Variants in NBPF19 observed in about 807,000 individuals in gnomAD.
The protein encoded by NBPF19 is NBPF member 19.
In NBPF19, 30 loss-of-function variants were observed where a neutral mutation model predicts 45.9. The observed-to-expected ratio is 0.65, with a 90% CI of 0.49 to 0.89. The LOEUF is 0.89. Ranked by LOEUF, NBPF19 falls within the 40% of genes least tolerant of loss-of-function variation. The probability of loss-of-function intolerance (pLI) is 0.00; values close to 1 mark genes in which losing one functional copy is unlikely to be tolerated. For missense variants in NBPF19, 495 were observed against 471.8 expected, an observed-to-expected ratio of 1.05 and a Z score of -0.46; for synonymous variants, 183 against 181.2, an observed-to-expected ratio of 1.01 and a Z score of -0.08.
intron 9 of NBPF19, among the ~76,000 whole-genome samples, chr1:149,487,675 T>C (rs1342472734): frequency 1.3e-5 from 2 of 150,130 alleles, no homozygotes; most frequent in African/African-American, 4.9e-5. Context: ...AGGACATGCT[T>C]TTCATGATCA....
rs1332625331 is a variant in NBPF19 at position 149,554,846 on chromosome 1, G to T, written c.*108G>T. ...ATTTGGAAGCCCAGACATAGGATGG[G>T]TCAGTGGGCATGGCTCTTTTCCTAT... On this transcript the variant is annotated 3_prime_UTR_variant, in exon 94 of 94. Transcript: ENST00000651566. 1 of 1,563,840 alleles carries T rather than the reference G, an allele frequency of 6.4e-7. No homozygotes were observed. Among genetic ancestry groups the T allele is most frequent in the Non-Finnish European group, 8.7e-7 (1 of 1,147,964 alleles).
At chr1:149,486,393 A>G (rs1319782530) in intron 8 of NBPF19, 100 bp downstream of exon 8, 24 of 662,782 alleles carry the variant, frequency 3.6e-5, no homozygotes, top group Non-Finnish European at 4.7e-5. Context: ...GAGATTTGCC[A>G]TCACCGTGGG....
rs1282629892 is a variant in NBPF19 at position 149,554,745 on chromosome 1, C to G, written c.*7C>G. On this transcript the variant is annotated 3_prime_UTR_variant, in exon 94 of 94. Transcript: ENST00000651566. ...AGTCATATTCCCACAATAGGCAGCCCTTACTAAGCCGAGAGATGTCATTCC... is the reference window on the plus strand; with the variant it reads ...AGTCATATTCCCACAATAGGCAGCCGTTACTAAGCCGAGAGATGTCATTCC... 3.4e-5 allele frequency: 55 copies of G among 1,607,830 alleles called. 4 individuals are homozygous for G. In the African/African-American group the frequency reaches 6.4e-4, roughly 19 times the overall value.
At chr1:149,514,711 G>T in intron 43 of NBPF19, among the ~76,000 whole-genome samples, 2 of 77,212 alleles carry the variant, frequency 2.6e-5, no homozygotes, top group African/African-American at 8.9e-5. Context: ...GTGTGTGTGT[G>T]TGTGTGTGTG....
chr1:149,491,316 G>C lies in NBPF19; in HGVS notation c.1663+5G>C. On this transcript the variant is annotated splice_donor_5th_base_variant and intron_variant, in intron 14 of 93. Transcript: ENST00000651566. ...GCTTTTCTCTTGACGTGGGAGGTGA[G>C]TACCTTTCTATGAAGGTGATAAGCA... 5.1e-6 allele frequency: 1 copy of C among 194,980 alleles called. No individual in the cohort carries two copies. The highest frequency in any genetic ancestry group is 9.0e-6 in the Non-Finnish European group (1 of 111,310). 12.1% of individuals were successfully genotyped at this position (194,980 alleles called of 1,614,324 possible). A position where few individuals can be genotyped will look rare whatever the true frequency, so the allele number is the denominator to read the frequency against.
rs1390161495 is a variant in NBPF19 at position 149,486,412 on chromosome 1, A to G, written c.988+119A>G. Reference sequence around the variant, plus strand: ...TTTGCCATCACCGTGGGCTGAACCTATATATCAATGTAGATTTCAGTCACT... The same window carrying G: ...TTTGCCATCACCGTGGGCTGAACCTGTATATCAATGTAGATTTCAGTCACT... On this transcript the variant is annotated intron_variant, in intron 8 of 93. Transcript: ENST00000651566. 1.8e-3 allele frequency: 1,220 copies of G among 676,726 alleles called. 42 individuals are homozygous for G. Among genetic ancestry groups the G allele is most frequent in the Non-Finnish European group, 2.3e-3 (847 of 372,762 alleles). The allele number at this position is 676,726 out of a possible 1,614,324, so 41.9% of individuals were successfully genotyped here. A position where few individuals can be genotyped will look rare whatever the true frequency, so the allele number is the denominator to read the frequency against.
In NBPF19 at chr1:149,554,806, T is replaced by G; in HGVS notation, c.*68T>G. 6.2e-7 allele frequency: 1 copy of G among 1,603,402 alleles called. No individual in the cohort carries two copies. Among genetic ancestry groups the G allele is most frequent in the South Asian group, 1.1e-5 (1 of 90,624 alleles). On this transcript the variant is annotated 3_prime_UTR_variant, in exon 94 of 94. Transcript: ENST00000651566. Reference sequence around the variant, plus strand: ...ACCTATAGGCACGTGAAGATTTGAATGAAACTACAGTTCCATTTGGAAGCC... The same window carrying G: ...ACCTATAGGCACGTGAAGATTTGAAGGAAACTACAGTTCCATTTGGAAGCC...
chr1:149,528,981 C>G (rs1281722274), intron 61 of NBPF19, among the ~76,000 whole-genome samples, 193 bp from the exon 62 acceptor site: 1 of 130,104 alleles, frequency 7.7e-6, no homozygotes, highest in East Asian at 2.3e-4. Context: ...GTGTGTCTAT[C>G]TGTCTTTCTC....
At position 149,488,411 on chromosome 1, in the gene NBPF19, C is replaced by G. The variant is rs1309901703; in HGVS notation, c.1213+226C>G. Reference sequence around the variant, plus strand: ...AGTCTCAGGCCATACCTGTGGCGCCCTAATCCTACTCTCATGACGTTGGAC... The same window carrying G: ...AGTCTCAGGCCATACCTGTGGCGCCGTAATCCTACTCTCATGACGTTGGAC... On this transcript the variant is annotated intron_variant, in intron 10 of 93. Transcript: ENST00000651566. Among the ~76,000 whole-genome samples the G allele has an allele frequency of 1.4e-5, 2 of 141,790 alleles. 1 individual carries two copies. Among genetic ancestry groups the G allele is most frequent in the Admixed American group, 1.5e-4 (2 of 13,758 alleles). 93.0% of individuals were successfully genotyped at this position (141,790 alleles called of 152,430 possible). A position where few individuals can be genotyped will look rare whatever the true frequency, so the allele number is the denominator to read the frequency against.
chr1:149,487,787 GTGTGTGT>G (rs2101614030), intron 9 of NBPF19, among the ~76,000 whole-genome samples: 1 of 145,588 alleles, frequency 6.9e-6, no homozygotes, highest in Admixed American at 6.9e-5. Context: ...GTGTGTGTGT[GTGTGTGT>G]GTGTGTGTGT....
At position 149,554,563 on chromosome 1, in the gene NBPF19, C is replaced by T. The variant is rs2087197437; in HGVS notation, c.11357C>T (p.Ser3786Leu). The T allele has an allele frequency of 9.9e-6, 16 of 1,608,078 alleles. No individual in the cohort carries two copies. The highest frequency in any genetic ancestry group is 2.2e-5 in the East Asian group (1 of 44,862). The change falls in exon 94 of 94, where the codon TCG becomes TTG. Residue 3786 changes from serine to leucine, a missense_variant. Physicochemically the swap from Ser to Leu is moderately radical, Grantham distance 145. This residue lies in a region of NBPF19 where 248 missense variants were observed against 95.4 expected (regional missense o/e 2.60). Transcript: ENST00000651566. ...CAGGACTCACTGGATGGATGTTATT[C>T]GACTCCGTCAATGTACTTTGAACTA... The part of the protein sequence containing the change: ...VLQDSLDGCY[S>L]TPSMYFELPD...
intron 3 of NBPF19, among the ~76,000 whole-genome samples, chr1:149,478,475 T>G (rs1168612248): frequency 6.6e-6 from 1 of 151,272 alleles, no homozygotes; most frequent in African/African-American, 2.4e-5. Context: ...TTTCATCTTT[T>G]CAATTCGCCC....
chr1:149,486,486 C>T (rs1218483916), intron 8 of NBPF19, among the ~76,000 whole-genome samples, 193 bp downstream of exon 8: 1 of 150,966 alleles, frequency 6.6e-6, no homozygotes, highest in African/African-American at 2.4e-5. Flanking sequence ...GTGAGCTTTA[C>T]TCTCTTCCTA....
chr1:149,487,217 T>A, intron 8 of NBPF19, 115 bp from the exon 9 acceptor site: 2 of 824,400 alleles, frequency 2.4e-6, no homozygotes, highest in Non-Finnish European at 4.2e-6. Flanking sequence ...TCTCTCAAAG[T>A]CTCCTGTTCT....
chr1:149,483,472 G>T (rs2085324774), intron 7 of NBPF19, among the ~76,000 whole-genome samples: 1 of 106,558 alleles, frequency 9.4e-6, no homozygotes, highest in Non-Finnish European at 1.9e-5. Context: ...GATGGGTCTT[G>T]ACTCTTTATC....
chr1:149,487,650 T>C (rs1476011080), intron 9 of NBPF19, among the ~76,000 whole-genome samples: 1 of 150,408 alleles, frequency 6.6e-6, no homozygotes, highest in African/African-American at 2.4e-5. Flanking sequence ...GAGCACATTT[T>C]ATGCAAAATT....
At chr1:149,516,269 T>G (rs1444658072) in intron 45 of NBPF19, among the ~76,000 whole-genome samples, 24 of 76,550 alleles carry the variant, frequency 3.1e-4, no homozygotes, top group African/African-American at 9.6e-4. Context: ...AGTGTCCTTT[T>G]ACTCCCTTAC....
intron 2 of NBPF19, 128 bp from the exon 3 acceptor site, chr1:149,477,817 T>A (rs2084933446): frequency 1.2e-6 from 1 of 855,992 alleles, no homozygotes; most frequent in Non-Finnish European, 1.9e-6. Context: ...GATGTGGAAA[T>A]CCCTGTCTAG....
intron 93 of NBPF19, 68 bp from the exon 94 acceptor site, chr1:149,554,427 A>T: frequency 4.4e-6 from 7 of 1,607,384 alleles, no homozygotes; most frequent in Non-Finnish European, 6.0e-6. Context: ...GTGACTTCTG[A>T]AATCTAGTGG....
Sources: allele counts gnomAD v4.1 joint callset (sites outside exome capture counted in the v4.1 genomes callset), GRCh38; gene constraint gnomAD v4.1.1; regional missense constraint gnomAD v4.1.1; transcripts MANE v1.5; gene names NCBI Gene and HGNC (gene_info 2026-07-23, HGNC 2026-07-21).